Variants in SAP130 observed in about 807,000 individuals in gnomAD.
SAP130 encodes the protein Sin3A associated protein 130.
SAP130 carries 16 observed loss-of-function variants against 103.2 expected under a neutral mutation model. The observed-to-expected ratio is 0.16, with a 90% CI of 0.10 to 0.24. The LOEUF is 0.24. Ranked by LOEUF, SAP130 falls within the 10% of genes least tolerant of loss-of-function variation. SAP130 has a pLI of 1.00. For synonymous variants in SAP130, 477 were observed against 497.0 expected, an observed-to-expected ratio of 0.96 and a Z score of 0.53; for missense variants, 990 against 1,359.7, an observed-to-expected ratio of 0.73 and a Z score of 4.28.
intron 10 of SAP130, among the ~76,000 whole-genome samples, chr2:127,999,333 T>C (rs1992111): frequency 0.75 from 113,830 of 152,002 alleles, 42,855 homozygotes; most frequent in East Asian, 0.83. Context: ...TTATCTCAGC[T>C]GAGTGCGGTG....
At chr2:127,967,962 A>G (rs1322541225) in intron 15 of SAP130, among the ~76,000 whole-genome samples, 1 of 152,230 alleles carries the variant, frequency 6.6e-6, no homozygotes. Flanking sequence ...GTACAATGGA[A>G]AGGACCTAAA....
chr2:127,948,007 C>G (rs1272385429), intron 18 of SAP130, among the ~76,000 whole-genome samples: 3 of 152,000 alleles, frequency 2.0e-5, no homozygotes, highest in Non-Finnish European at 2.9e-5. Flanking sequence ...CCAAGCTGGT[C>G]TTGAACTCCT....
chr2:127,972,788 G>C, intron 15 of SAP130, among the ~76,000 whole-genome samples: 1 of 151,828 alleles, frequency 6.6e-6, no homozygotes, highest in East Asian at 1.9e-4. Context: ...AATAAAAATA[G>C]CTGGGCATAA....
At chr2:127,962,406 C>T (rs1018695981) in intron 15 of SAP130, among the ~76,000 whole-genome samples, 2 of 152,174 alleles carry the variant, frequency 1.3e-5, no homozygotes, top group South Asian at 2.1e-4. Flanking sequence ...ATAAATCATG[C>T]TGCTATAAAG....
chr2:128,003,776 A>G (rs1683745025), intron 7 of SAP130, among the ~76,000 whole-genome samples: 1 of 151,876 alleles, frequency 6.6e-6, no homozygotes, highest in Admixed American at 6.6e-5. Context: ...AACGTTTGAG[A>G]TGAGAAGTGT....
chr2:127,992,901 T>C lies in SAP130; in HGVS notation c.1477+286A>G, dbSNP rs188239049. 1.3e-3 allele frequency among the ~76,000 whole-genome samples: 201 copies of C among 152,294 alleles called. 1 individual carries two copies. The highest frequency in any genetic ancestry group is 4.6e-3 in the African/African-American group (192 of 41,556). On this transcript the variant is annotated intron_variant, in intron 12 of 20. Transcript: ENST00000643581. ...TAAAACAATGGAAACCCTATAAAAG[T>C]GCAGCTCTATTCATTGTAACTACTG...
rs545434315 is a variant in SAP130 at position 127,987,515 on chromosome 2, T to C, written c.1781-553A>G. On this transcript the variant is annotated intron_variant, in intron 13 of 20. Transcript: ENST00000643581. The stretch of plus-strand genomic sequence containing the variant: ...CCATTATTTTTTCTTTGCTCTATAA[T>C]CACAGTTACTAATAAATGAGATAAG... Among the ~76,000 whole-genome samples the C allele has an allele frequency of 5.9e-5, 9 of 152,196 alleles. No individual in the cohort carries two copies. The East Asian group carries it at 1.7e-3, about 29-fold the overall frequency.
chr2:128,018,669 G>A (rs1235395940), intron 2 of SAP130, among the ~76,000 whole-genome samples: 4 of 151,798 alleles, frequency 2.6e-5, no homozygotes, highest in East Asian at 1.9e-4. Context: ...GCATGCACCC[G>A]TAATCCCAGC....
At chr2:127,972,498 C>T (rs986649381) in intron 15 of SAP130, among the ~76,000 whole-genome samples, 1 of 152,170 alleles carries the variant, frequency 6.6e-6, no homozygotes, top group African/African-American at 2.4e-5. Context: ...TGGCTCACCC[C>T]TGTAATCCCA....
Position 127,990,938 on chromosome 2 carries a change from C to CCA in SAP130, c.1478-1073_1478-1072insTG, listed in dbSNP as rs1553510868. Among the ~76,000 whole-genome samples the CCA allele has an allele frequency of 7.9e-3, 939 of 119,446 alleles. 19 individuals are homozygous for CCA. The highest frequency in any genetic ancestry group is 0.073 in the South Asian group (264 of 3,600). 78.4% of individuals were successfully genotyped at this position (119,446 alleles called of 152,430 possible). On this transcript the variant is annotated intron_variant, in intron 12 of 20. Coordinates refer to ENST00000643581, the MANE Select transcript of SAP130 (RefSeq NM_001330301.2). ...CCTGAGTGACAGAGAAAGACTGTCT[C>CCA]AAAAAAAAAAAAAAAAAAGTAAAAG...
intron 6 of SAP130, among the ~76,000 whole-genome samples, chr2:128,012,496 C>A (rs959719462): frequency 6.6e-6 from 1 of 152,028 alleles, no homozygotes; most frequent in Non-Finnish European, 1.5e-5. Flanking sequence ...AACAAAAAAA[C>A]GCAGTGGCTC....
chr2:127,956,311 C>G (rs1424817691), intron 15 of SAP130, among the ~76,000 whole-genome samples: 1 of 152,146 alleles, frequency 6.6e-6, no homozygotes, highest in Admixed American at 6.5e-5. Flanking sequence ...TCTGTAATAG[C>G]CTTTATGAAA....
At chr2:128,003,649 T>C (rs889451844) in intron 7 of SAP130, among the ~76,000 whole-genome samples, 4 of 152,040 alleles carry the variant, frequency 2.6e-5, no homozygotes, top group East Asian at 3.9e-4. Context: ...GACAGGTCCA[T>C]AGTGACTCAC....
chr2:127,996,617 T>TA lies in SAP130; in HGVS notation c.1214-127dup. 1 of 879,308 alleles carries TA rather than the reference T, an allele frequency of 1.1e-6. No individual in the cohort carries two copies. The highest frequency in any genetic ancestry group is 1.6e-6 in the Non-Finnish European group (1 of 624,694). The allele number at this position is 879,308 out of a possible 1,614,324, so 54.5% of individuals were successfully genotyped here. A position where few individuals can be genotyped will look rare whatever the true frequency, so the allele number is the denominator to read the frequency against. On this transcript the variant is annotated intron_variant, in intron 10 of 20. Transcript: ENST00000643581. The surrounding 1 kb of genome is among the most constrained non-coding windows in gnomAD (Gnocchi z 4.3). ...AATAAGCCTGGATTTTTAATCAAAA[T>TA]AAAAAATGAAAAATAAGTACAAAGT...
chr2:128,013,611 G>A (rs1419207447), intron 5 of SAP130, among the ~76,000 whole-genome samples: 1 of 152,220 alleles, frequency 6.6e-6, no homozygotes, highest in African/African-American at 2.4e-5. Flanking sequence ...CACATTTGGA[G>A]AACTGCTGAG....
rs139906617 is a variant in SAP130, at chr2:127,985,978, G to A, written c.1958+807C>T. ...CCGACCAGCAGAACGACGCAGTTTGGCCAGGGCAGTCAAGAGAGCTGGGGC... is the reference window on the plus strand; with the variant it reads ...CCGACCAGCAGAACGACGCAGTTTGACCAGGGCAGTCAAGAGAGCTGGGGC... On this transcript the variant is annotated intron_variant, in intron 14 of 20. Transcript: ENST00000643581. 3.3e-4 allele frequency among the ~76,000 whole-genome samples: 50 copies of A among 152,278 alleles called. 1 individual carries two copies. The South Asian group carries it at 6.4e-3, about 20-fold the overall frequency.
intron 1 of SAP130, chr2:128,027,458 A>C: frequency 5.6e-6 from 6 of 1,078,450 alleles, no homozygotes; most frequent in Non-Finnish European, 6.8e-6. Context: ...GGGCAGCCCA[A>C]ACCCCTCGAG....
chr2:128,021,685 G>T (rs1685174170), intron 2 of SAP130, among the ~76,000 whole-genome samples: 1 of 152,168 alleles, frequency 6.6e-6, no homozygotes, highest in African/African-American at 2.4e-5. Flanking sequence ...GGGTCAAATG[G>T]TAAGTATATG....
At chr2:128,018,313 C>CAAAAAAAA (rs200188563) in intron 2 of SAP130, among the ~76,000 whole-genome samples, 19 of 50,452 alleles carry the variant, frequency 3.8e-4, no homozygotes, top group South Asian at 6.8e-4. Context: ...ACTAAAAATA[C>CAAAAAAAA]AAAAAAAAAA....
Sources: gnomAD v4.1 joint callset for allele counts (sites outside exome capture counted in the v4.1 genomes callset) on GRCh38, gnomAD v4.1.1 for gene constraint, Gnocchi (gnomAD v3.1) non-coding constraint, MANE v1.5 for transcripts, NCBI Gene and HGNC (gene_info 2026-07-23, HGNC 2026-07-21) for gene names.